DAB1: variants seen among roughly 807,000 people sequenced by gnomAD.
The protein encoded by DAB1 is DAB adaptor protein 1, also known as disabled homolog 1.
Under a neutral mutation model 64.6 loss-of-function variants are expected in DAB1, and 15 were observed. That is an observed-to-expected ratio of 0.23 (90% CI 0.16 to 0.36). DAB1 has a LOEUF of 0.36. DAB1 is among the 10% of genes least tolerant of loss of function. DAB1 has a pLI of 1.00. For missense variants in DAB1, 596 were observed against 706.7 expected (o/e 0.84, Z 1.78); for synonymous variants, 235 against 251.9 (o/e 0.93, Z 0.64).
intron 5 of DAB1, among the ~76,000 whole-genome samples, chr1:58,113,113 C>A (rs1246127777): frequency 2.0e-5 from 3 of 152,132 alleles, no homozygotes; most frequent in Admixed American, 6.5e-5. Context: ...AGGGTGAGGG[C>A]TGCAAAAGGA....
At chr1:57,277,388 C>G (rs1383416369) in intron 2 of DAB1, among the ~76,000 whole-genome samples, 1 of 152,018 alleles carries the variant, frequency 6.6e-6, no homozygotes, top group Non-Finnish European at 1.5e-5. Flanking sequence ...TTTTTTCCTA[C>G]AAACATATAT....
At chr1:58,418,977 T>C (rs184170646) in intron 3 of DAB1, among the ~76,000 whole-genome samples, 18 of 152,140 alleles carry the variant, frequency 1.2e-4, no homozygotes, top group African/African-American at 3.9e-4. Context: ...ATTATGGAGA[T>C]AGATGTTAGG....
In DAB1 at chr1:58,086,969, C is replaced by T. The variant is rs192114117; in HGVS notation, n.387+63542G>A. 1.2e-4 allele frequency among the ~76,000 whole-genome samples: 19 copies of T among 152,154 alleles called. No individual in the cohort carries two copies. In the East Asian group the frequency reaches 1.7e-3, roughly 14 times the overall value. On this transcript the variant is annotated intron_variant and non_coding_transcript_variant, in intron 5 of 20. Coordinates refer to the DAB1 transcript ENST00000485760. ...ATGCTGTGAGGTCCTTATGGAATAA[C>T]GGCAAGCTAGAGTGCAAAGAGCATG...
rs898543781 is a variant in DAB1 at position 57,931,311 on chromosome 1, GTTTTC to G, written n.388-47154_388-47150del. Among the ~76,000 whole-genome samples the G allele has an allele frequency of 2.6e-5, 4 of 152,214 alleles. No homozygotes were observed. The East Asian group carries it at 5.8e-4, about 22-fold the overall frequency. ...TGCTCATGAGTGATATTGGTCTATAGTTTTCTTTTCTTGTAATCTCTTTGTCTAAT... is the reference window on the plus strand; with the variant it reads ...TGCTCATGAGTGATATTGGTCTATAGTTTTCTTGTAATCTCTTTGTCTAAT... On this transcript the variant is annotated intron_variant and non_coding_transcript_variant, in intron 5 of 20. Coordinates refer to the DAB1 transcript ENST00000485760.
At chr1:57,116,545 A>G (rs1441446773) in intron 4 of DAB1, among the ~76,000 whole-genome samples, 1 of 151,700 alleles carries the variant, frequency 6.6e-6, no homozygotes, top group African/African-American at 2.4e-5. Flanking sequence ...AACTGTATCT[A>G]TATCTAGCCA....
chr1:57,771,018 C>A (rs563620526), intron 6 of DAB1, among the ~76,000 whole-genome samples: 1 of 152,132 alleles, frequency 6.6e-6, no homozygotes, highest in Non-Finnish European at 1.5e-5. Context: ...GTACAGATGG[C>A]AAACCCTAGA....
At position 57,015,364 on chromosome 1, in the gene DAB1, C is replaced by T; in HGVS notation, c.963G>A (p.Met321Ile). The T allele has an allele frequency of 1.2e-6, 2 of 1,614,064 alleles. No individual in the cohort carries two copies. The highest frequency in any genetic ancestry group is 1.7e-6 in the Non-Finnish European group (2 of 1,180,030). ...WGQQPLVQQQ[M>I]VMGAQPPVAQ... ...CGACTGGTGGCTGGGCACCCATGACCATCTGCTGTTGGACGAGGGGCTGCT... is the reference window on the plus strand; with the variant it reads ...CGACTGGTGGCTGGGCACCCATGACTATCTGCTGTTGGACGAGGGGCTGCT... Residue 321 changes from methionine to isoleucine, a missense_variant, in exon 12 of 15, where the codon ATG becomes ATA. Met to Ile is a conservative substitution (Grantham distance 10). This residue lies in a region of DAB1 where 377 missense variants were observed against 400.4 expected (regional missense o/e 0.94). Coordinates refer to ENST00000371236, the MANE Select transcript of DAB1 (RefSeq NM_001365792.1).
At chr1:57,205,851 A>C (rs1205863254) in intron 2 of DAB1, among the ~76,000 whole-genome samples, 1 of 152,242 alleles carries the variant, frequency 6.6e-6, no homozygotes, top group Non-Finnish European at 1.5e-5. Flanking sequence ...AGTGCATTCA[A>C]ACAATATAGA....
intron 6 of DAB1, among the ~76,000 whole-genome samples, chr1:57,690,364 G>A (rs1307530823): frequency 1.3e-5 from 2 of 152,014 alleles, no homozygotes; most frequent in Non-Finnish European, 2.9e-5. Context: ...TGGATCACGG[G>A]GCAGATTTCC....
At chr1:57,215,356 G>A (rs190160843) in intron 2 of DAB1, among the ~76,000 whole-genome samples, 240 of 152,284 alleles carry the variant, frequency 1.6e-3, no homozygotes, top group African/African-American at 5.6e-3. Flanking sequence ...AACCATTTCC[G>A]TTATTTGACA....
chr1:58,203,543 TG>T (rs1658109184), intron 4 of DAB1, among the ~76,000 whole-genome samples: 1 of 152,228 alleles, frequency 6.6e-6, no homozygotes, highest in African/African-American at 2.4e-5. Flanking sequence ...TCTGTCATAG[TG>T]GTTCTCAAAC....
chr1:57,337,272 T>C (rs1223971987), intron 1 of DAB1, among the ~76,000 whole-genome samples: 2 of 152,244 alleles, frequency 1.3e-5, no homozygotes, highest in East Asian at 3.8e-4. Context: ...TATGATATTA[T>C]AAAGCTCTCT....
intron 4 of DAB1, among the ~76,000 whole-genome samples, chr1:58,201,022 G>GTT (rs201977266): frequency 0.19 from 27,414 of 142,974 alleles, 2,721 homozygotes; most frequent in East Asian, 0.37. Context: ...TGTTTGTTTT[G>GTT]TTTTTTTTTT....
At chr1:57,695,361 GAAGA>G (rs774722340) in intron 6 of DAB1, among the ~76,000 whole-genome samples, 2,625 of 68,648 alleles carry the variant, frequency 0.038, 230 homozygotes, top group African/African-American at 0.058. Context: ...AGAAAAGAAA[GAAGA>G]AAGAAAGAAA....
At chr1:57,851,562 A>G (rs1653526476) in intron 1 of DAB1, among the ~76,000 whole-genome samples, 1 of 152,122 alleles carries the variant, frequency 6.6e-6, no homozygotes, top group Admixed American at 6.5e-5. Flanking sequence ...ATTGTACTGG[A>G]TGGCTGGGCG....
chr1:57,642,940 T>C (rs1646147779), intron 7 of DAB1, among the ~76,000 whole-genome samples: 1 of 152,220 alleles, frequency 6.6e-6, no homozygotes, highest in Non-Finnish European at 1.5e-5. Context: ...GCACCTACCA[T>C]GTGCCAGATG....
At chr1:58,387,728 T>C (rs1232754432) in intron 3 of DAB1, among the ~76,000 whole-genome samples, 2 of 143,252 alleles carry the variant, frequency 1.4e-5, no homozygotes, top group African/African-American at 2.6e-5. Context: ...TTTTCTTTTT[T>C]TTTTTTTTTT....
At chr1:58,231,790 G>C (rs1028456635) in intron 4 of DAB1, among the ~76,000 whole-genome samples, 2 of 152,168 alleles carry the variant, frequency 1.3e-5, no homozygotes, top group African/African-American at 2.4e-5. Context: ...ACCAAGTGGG[G>C]ACAGTTGGAG....
At chr1:57,958,386 A>G (rs758697233) in intron 5 of DAB1, among the ~76,000 whole-genome samples, 9 of 152,192 alleles carry the variant, frequency 5.9e-5, no homozygotes, top group South Asian at 2.1e-4. Flanking sequence ...GCTTTATGAT[A>G]TGCCAGACAC....
Sources: allele counts gnomAD v4.1 joint callset (sites outside exome capture counted in the v4.1 genomes callset), GRCh38; gene constraint gnomAD v4.1.1; regional missense constraint gnomAD v4.1.1; transcripts MANE v1.5; gene names NCBI Gene and HGNC (gene_info 2026-07-23, HGNC 2026-07-21).